Variants in SLC6A2 observed in about 807,000 individuals in gnomAD.
The protein encoded by SLC6A2 is sodium-dependent noradrenaline transporter.
In SLC6A2, 26 loss-of-function variants were observed where a neutral mutation model predicts 71.7. The observed-to-expected ratio is 0.36, with a 90% CI of 0.27 to 0.50. The LOEUF is 0.50. Ranked by LOEUF, SLC6A2 falls within the 20% of genes least tolerant of loss-of-function variation. The pLI, the probability that SLC6A2 is intolerant of heterozygous loss-of-function variation, is 0.96. For synonymous variants in SLC6A2, 363 were observed against 337.9 expected (o/e 1.07, Z -0.82); for missense variants, 581 against 803.9 (o/e 0.72, Z 3.35).
intron 9 of SLC6A2, among the ~76,000 whole-genome samples, chr16:55,697,016 A>G (rs1965820668): frequency 6.6e-6 from 1 of 152,164 alleles, no homozygotes; most frequent in African/African-American, 2.4e-5. Flanking sequence ...AACAAACAAA[A>G]ACATTTTGAA....
intron 4 of SLC6A2, among the ~76,000 whole-genome samples, chr16:55,680,459 G>A (rs1965234659): frequency 1.3e-5 from 2 of 152,320 alleles, no homozygotes; most frequent in East Asian, 1.9e-4. Context: ...GGAATCCGAT[G>A]TTCGAGGGTA....
At chr16:55,673,573 G>C (rs1160144826) in intron 4 of SLC6A2, among the ~76,000 whole-genome samples, 2 of 151,294 alleles carry the variant, frequency 1.3e-5, no homozygotes, top group African/African-American at 4.9e-5. Flanking sequence ...TTATTTTTTT[G>C]TTTTTTGAGA....
Position 55,669,703 on chromosome 16 carries a change from A to G in SLC6A2, c.406+7A>G, listed in dbSNP as rs1303311378. On this transcript the variant is annotated splice_region_variant and intron_variant, in intron 3 of 14. Transcript: ENST00000568943. ...ATCTGCCCATTCTTCAAAGGTAAAG[A>G]AGGGGTGGGAGAAAGTCACGGTTGT... The G allele has an allele frequency of 1.2e-6, 2 of 1,613,984 alleles. No homozygotes were observed. The highest frequency in any genetic ancestry group is 1.7e-5 in the Admixed American group (1 of 60,006).
rs372453940 is a variant in SLC6A2, at chr16:55,671,385, G to A, written c.407-553G>A. On this transcript the variant is annotated intron_variant, in intron 3 of 14. Coordinates refer to ENST00000568943, the MANE Select transcript of SLC6A2 (RefSeq NM_001172501.3). ...GGTGAGTGGGCAGGGGAGCTCCAGT[G>A]GAAAGAGAGAGCTCTCGGGCAAAGA... Among the ~76,000 whole-genome samples the A allele has an allele frequency of 7.9e-5, 12 of 152,166 alleles. No homozygotes were observed. The South Asian group carries it at 2.5e-3, about 31-fold the overall frequency.
chr16:55,659,970 A>G (rs969791752), intron 2 of SLC6A2, among the ~76,000 whole-genome samples: 12 of 141,808 alleles, frequency 8.5e-5, no homozygotes, highest in African/African-American at 3.0e-4. Context: ...TTGTGGCCTT[A>G]GGAAAGGTGG....
At chr16:55,661,457 T>A (rs1401571611) in intron 2 of SLC6A2, among the ~76,000 whole-genome samples, 1 of 152,224 alleles carries the variant, frequency 6.6e-6, no homozygotes, top group African/African-American at 2.4e-5. Flanking sequence ...AGACAATATA[T>A]GTAAACTCCT....
intron 4 of SLC6A2, among the ~76,000 whole-genome samples, chr16:55,674,414 A>ATTTTCT (rs1201314334): frequency 6.7e-6 from 1 of 149,362 alleles, no homozygotes; most frequent in Non-Finnish European, 1.5e-5. Context: ...TATGTACCAC[A>ATTTTCT]TTTTCTTTTT....
intron 4 of SLC6A2, among the ~76,000 whole-genome samples, chr16:55,675,621 T>A (rs1442520786): frequency 6.6e-6 from 1 of 152,200 alleles, no homozygotes; most frequent in Non-Finnish European, 1.5e-5. Flanking sequence ...ATCTGTGCAA[T>A]CCACCAGAGT....
intron 3 of SLC6A2, among the ~76,000 whole-genome samples, chr16:55,671,119 A>G (rs1202590151): frequency 6.6e-6 from 1 of 152,198 alleles, no homozygotes; most frequent in Non-Finnish European, 1.5e-5. Context: ...CAGTTCGGAG[A>G]CAAGGATATA....
In SLC6A2 at chr16:55,701,763, G is replaced by C. The variant is rs963157553; in HGVS notation, c.1759-100G>C. The C allele has an allele frequency of 3.2e-5, 27 of 844,842 alleles. No individual in the cohort carries two copies. In the East Asian group the frequency reaches 6.5e-4, roughly 20 times the overall value. The allele number at this position is 844,842 out of a possible 1,614,324, so 52.3% of individuals were successfully genotyped here. ...CAAATGCTATCCATGTGGGGCTGCA[G>C]GATCAAATAGCAGGTGGCCCTCATC... is the stretch of plus-strand genomic sequence containing the variant. On this transcript the variant is annotated intron_variant, in intron 13 of 14. Coordinates refer to ENST00000568943, the MANE Select transcript of SLC6A2 (RefSeq NM_001172501.3).
intron 8 of SLC6A2, 92 bp downstream of exon 8, chr16:55,695,494 A>G (rs1209531482): frequency 6.9e-6 from 10 of 1,443,418 alleles, no homozygotes; most frequent in Non-Finnish European, 9.7e-6. Flanking sequence ...CCGTGGCTGT[A>G]GGAATACTGG....
At chr16:55,700,336 G>A (rs770405301) in intron 13 of SLC6A2, 30 bp downstream of exon 13, 10 of 1,593,282 alleles carry the variant, frequency 6.3e-6, no homozygotes, top group South Asian at 4.5e-5. Context: ...AGGGGAACAG[G>A]GTGGGAGGGG....
Position 55,691,962 on chromosome 16 carries a change from G to C in SLC6A2, c.828G>C (p.Val276=). The C allele has an allele frequency of 1.2e-6, 2 of 1,614,182 alleles. No individual in the cohort carries two copies. The highest frequency in any genetic ancestry group is 2.2e-5 in the South Asian group (2 of 91,084). The change falls in exon 6 of 15, where the codon GTG becomes GTC. Residue 276 remains valine, a synonymous_variant. Coordinates refer to ENST00000568943, the MANE Select transcript of SLC6A2 (RefSeq NM_001172501.3). ...TATLPYFVLF[V]LLVHGVTLPG... is the part of the protein sequence containing the mutation. ...CGCTGCCTTACTTCGTGCTGTTCGT[G>C]CTCCTGGTCCATGGCGTCACGCTGC...
In SLC6A2 at chr16:55,693,198, C is replaced by A. The variant is rs189113944; in HGVS notation, c.919-812C>A. Among the ~76,000 whole-genome samples the A allele has an allele frequency of 1.1e-3, 173 of 152,248 alleles. 3 individuals carry two copies. In the East Asian group the frequency reaches 0.028, roughly 25 times the overall value. ...GGTCAGGAGTTCAAGACCAGCCTGG[C>A]CAACATGGGGAAACCCCGTCTCTAC... On this transcript the variant is annotated intron_variant, in intron 6 of 14. Coordinates refer to ENST00000568943, the MANE Select transcript of SLC6A2 (RefSeq NM_001172501.3).
At chr16:55,686,421 T>A (rs1205456451) in intron 5 of SLC6A2, among the ~76,000 whole-genome samples, 1 of 152,190 alleles carries the variant, frequency 6.6e-6, no homozygotes, top group Non-Finnish European at 1.5e-5. Flanking sequence ...TTCCAGTCAC[T>A]GCTTGCATCA....
At chr16:55,685,371 C>A in intron 5 of SLC6A2, 90 bp downstream of exon 5, 2 of 1,388,978 alleles carry the variant, frequency 1.4e-6, no homozygotes, top group Non-Finnish European at 2.0e-6. Context: ...AGCTGGTGGA[C>A]AAAAAAGATG....
chr16:55,697,984 A>G lies in SLC6A2; in HGVS notation c.1348A>G (p.Thr450Ala). 6.2e-7 allele frequency: 1 copy of G among 1,614,132 alleles called. No individual in the cohort carries two copies. The highest frequency in any genetic ancestry group is 8.5e-7 in the Non-Finnish European group (1 of 1,180,024). The change falls in exon 10 of 15, where the codon ACC (threonine) becomes GCC (alanine). Residue 450 changes from threonine to alanine, a missense_variant. Thr to Ala is a moderately conservative substitution (Grantham distance 58, BLOSUM62 0). Coordinates refer to ENST00000568943, the MANE Select transcript of SLC6A2 (RefSeq NM_001172501.3). ...RHRKLFTFGV[T>A]FSTFLLALFC... ...CCGGAAACTCTTCACATTTGGCGTC[A>G]CCTTCAGCACTTTCCTTCTCGCCCT...
chr16:55,686,353 G>A lies in SLC6A2; in HGVS notation c.783+1072G>A, dbSNP rs556179325. Among the ~76,000 whole-genome samples, 22 of 152,238 alleles carry A rather than the reference G, an allele frequency of 1.4e-4. 1 individual carries two copies. The highest frequency in any genetic ancestry group is 2.1e-4 in the South Asian group (1 of 4,824). On this transcript the variant is annotated intron_variant, in intron 5 of 14. Transcript: ENST00000568943. ...GTGCTTGGGCTTCTCACAGCATGGC[G>A]GCTGAGTTCCAAGAACATGTCCCAA...
intron 4 of SLC6A2, among the ~76,000 whole-genome samples, chr16:55,682,843 TG>T (rs2142550278): frequency 6.6e-6 from 1 of 152,240 alleles, no homozygotes; most frequent in East Asian, 1.9e-4. Flanking sequence ...GATCTCGTTT[TG>T]GGGGCCCCTG....
Sources: gnomAD v4.1 joint callset for allele counts (sites outside exome capture counted in the v4.1 genomes callset) on GRCh38, gnomAD v4.1.1 for gene constraint, MANE v1.5 for transcripts, NCBI Gene and HGNC (gene_info 2026-07-23, HGNC 2026-07-21) for gene names.